Variants in RPH3A observed in about 807,000 individuals in gnomAD.
RPH3A encodes rabphilin-3A.
RPH3A carries 48 observed loss-of-function variants against 102.2 expected under a neutral mutation model. The observed-to-expected ratio is 0.47, with a 90% CI of 0.37 to 0.60. RPH3A has a LOEUF of 0.60. RPH3A is among the 20% of genes least tolerant of loss of function. RPH3A has a pLI of 0.00. For synonymous variants in RPH3A, 310 were observed against 324.3 expected (o/e 0.96, Z 0.47); for missense variants, 781 against 910.1 (o/e 0.86, Z 1.83).
chr12:112,586,823 T>C (rs1430256732), intron 1 of RPH3A, among the ~76,000 whole-genome samples: 1 of 152,200 alleles, frequency 6.6e-6, no homozygotes, highest in Non-Finnish European at 1.5e-5. Context: ...ATATGAGGAT[T>C]TGGACCTCAG....
chr12:112,744,261 A>G (rs2040728903), intron 1 of RPH3A, among the ~76,000 whole-genome samples: 3 of 152,124 alleles, frequency 2.0e-5, no homozygotes, highest in Admixed American at 1.3e-4. Context: ...CTTTTAGTAG[A>G]GACAAGGTTT....
intron 5 of RPH3A, among the ~76,000 whole-genome samples, chr12:112,861,257 A>G (rs1441776841): frequency 6.6e-6 from 1 of 152,198 alleles, no homozygotes; most frequent in Admixed American, 6.5e-5. Context: ...CAGAGAGGCA[A>G]AAGTCCAGGC....
At chr12:112,676,214 G>A (rs896754781) in intron 1 of RPH3A, among the ~76,000 whole-genome samples, 5 of 152,090 alleles carry the variant, frequency 3.3e-5, no homozygotes, top group African/African-American at 9.7e-5. Context: ...CGAGAGGAGG[G>A]AGGCAGGATG....
chr12:112,719,242 T>C (rs147544602), intron 1 of RPH3A, among the ~76,000 whole-genome samples: 1 of 152,268 alleles, frequency 6.6e-6, no homozygotes, highest in Non-Finnish European at 1.5e-5. Flanking sequence ...CTCCTAAATA[T>C]ATATCTTGAG....
At chr12:112,649,265 A>G (rs2039957102) in intron 1 of RPH3A, 1 of 152,228 alleles carries the variant, frequency 6.6e-6, no homozygotes, top group Non-Finnish European at 1.5e-5. Context: ...TTGGAGAGTA[A>G]TGAGATTTTC....
At chr12:112,688,044 C>T (rs1408791051) in intron 1 of RPH3A, among the ~76,000 whole-genome samples, 1 of 152,136 alleles carries the variant, frequency 6.6e-6, no homozygotes, top group African/African-American at 2.4e-5. Flanking sequence ...TTTCTGATCA[C>T]CTTGATATAA....
intron 1 of RPH3A, among the ~76,000 whole-genome samples, chr12:112,619,164 T>C (rs1469470135): frequency 6.6e-6 from 1 of 152,080 alleles, no homozygotes; most frequent in African/African-American, 2.4e-5. Context: ...GCTGATAACA[T>C]TGGTGTTCAA....
At chr12:112,762,403 T>G (rs1325934683) in intron 1 of RPH3A, among the ~76,000 whole-genome samples, 1 of 152,188 alleles carries the variant, frequency 6.6e-6, no homozygotes, top group Non-Finnish European at 1.5e-5. Flanking sequence ...CCTATTTCTT[T>G]TTACAGAAAC....
At chr12:112,724,039 T>C (rs1212021189) in intron 1 of RPH3A, among the ~76,000 whole-genome samples, 6 of 150,454 alleles carry the variant, frequency 4.0e-5, no homozygotes, top group African/African-American at 1.5e-4. Flanking sequence ...TAACTTTTTC[T>C]TAAATTTTTT....
intron 1 of RPH3A, among the ~76,000 whole-genome samples, chr12:112,764,254 A>T (rs1349043088): frequency 6.6e-6 from 1 of 152,222 alleles, no homozygotes; most frequent in African/African-American, 2.4e-5. Flanking sequence ...CCAACTTGAG[A>T]TTAAGAAAGA....
chr12:112,791,889 A>AGAGAGAGAGAGAGAGAGAGACT lies in RPH3A; in HGVS notation c.-247_-246insGAGACTGAGAGAGAGAGAGAGA. 1 of 150,458 alleles carries AGAGAGAGAGAGAGAGAGAGACT rather than the reference A, an allele frequency of 6.6e-6. No homozygotes were observed. The highest frequency in any genetic ancestry group is 1.5e-5 in the Non-Finnish European group (1 of 67,660). The allele number at this position is 150,458 out of a possible 1,614,324, so 9.3% of individuals were successfully genotyped here. A position where few individuals can be genotyped will look rare whatever the true frequency, so the allele number is the denominator to read the frequency against. On this transcript the variant is annotated 5_prime_UTR_variant, in exon 1 of 22. Coordinates refer to ENST00000389385, the MANE Select transcript of RPH3A (RefSeq NM_001143854.2). Reference sequence around the variant, plus strand: ...AAGGGAGAGAGAGAGAGAGAGAGAGAGAGAGAGAGAGAGAGACTCACAGAG... The same window carrying AGAGAGAGAGAGAGAGAGAGACT: ...AAGGGAGAGAGAGAGAGAGAGAGAGAGAGAGAGAGAGAGAGAGAGACTGAGAGAGAGAGAGAGACTCACAGAG...
At chr12:112,822,444 TCAACTA>T (rs1407397454) in intron 2 of RPH3A, among the ~76,000 whole-genome samples, 1 of 152,130 alleles carries the variant, frequency 6.6e-6, no homozygotes, top group East Asian at 1.9e-4. Flanking sequence ...TTTTTTCCAT[TCAACTA>T]CAACTAGCAG....
intron 1 of RPH3A, among the ~76,000 whole-genome samples, chr12:112,658,384 C>T (rs975480878): frequency 3.9e-5 from 6 of 152,112 alleles, no homozygotes; most frequent in Non-Finnish European, 8.8e-5. Context: ...GTCATGTTGG[C>T]CAGGCTGGTC....
chr12:112,593,056 G>A (rs1057141532), intron 1 of RPH3A, among the ~76,000 whole-genome samples: 1 of 152,196 alleles, frequency 6.6e-6, no homozygotes, highest in Non-Finnish European at 1.5e-5. Context: ...ATTATGTGAG[G>A]GGATGGGGCT....
At chr12:112,613,407 C>G (rs908965660) in intron 1 of RPH3A, among the ~76,000 whole-genome samples, 1 of 152,246 alleles carries the variant, frequency 6.6e-6, no homozygotes, top group Admixed American at 6.5e-5. Flanking sequence ...GATCCTGGCT[C>G]TGCCTCTGAC....
At chr12:112,761,390 T>A (rs1275964788) in intron 1 of RPH3A, among the ~76,000 whole-genome samples, 1 of 152,256 alleles carries the variant, frequency 6.6e-6, no homozygotes, top group East Asian at 1.9e-4. Context: ...TTTCAGAATC[T>A]ACTCTCCTCT....
intron 5 of RPH3A, among the ~76,000 whole-genome samples, chr12:112,864,944 T>C (rs963303259): frequency 1.3e-5 from 2 of 152,106 alleles, no homozygotes; most frequent in African/African-American, 4.8e-5. Flanking sequence ...AGCAAGTATG[T>C]AGATGGTGGT....
At chr12:112,847,958 T>A in intron 5 of RPH3A, 116 bp downstream of exon 5, 1 of 1,203,460 alleles carries the variant, frequency 8.3e-7, no homozygotes, top group South Asian at 1.6e-5. Flanking sequence ...GGCTTTGCCA[T>A]TTGTGACTTA....
At chr12:112,640,964 T>A (rs1166770216) in intron 1 of RPH3A, among the ~76,000 whole-genome samples, 1 of 152,160 alleles carries the variant, frequency 6.6e-6, no homozygotes, top group Non-Finnish European at 1.5e-5. Flanking sequence ...CATTTGTGTG[T>A]CTGGGGCATG....
Sources: gnomAD v4.1 joint callset for allele counts (sites outside exome capture counted in the v4.1 genomes callset) on GRCh38, gnomAD v4.1.1 for gene constraint, MANE v1.5 for transcripts, NCBI Gene and HGNC (gene_info 2026-07-23, HGNC 2026-07-21) for gene names.